PAPPA2: variants seen among roughly 807,000 people sequenced by gnomAD.
PAPPA2 encodes the protein pappalysin 2.
In PAPPA2, 86 loss-of-function variants were observed where a neutral mutation model predicts 176.4. The ratio of observed to expected loss-of-function variants is 0.49; its 90% CI spans 0.41 to 0.58. The LOEUF (loss-of-function observed/expected upper bound fraction) is 0.58. PAPPA2 is among the 20% of genes least tolerant of loss of function. The pLI is 0.00. For missense variants in PAPPA2, 2,073 were observed against 2,256.9 expected, an observed-to-expected ratio of 0.92 and a Z score of 1.65; for synonymous variants, 809 against 852.2, an observed-to-expected ratio of 0.95 and a Z score of 0.88.
intron 1 of PAPPA2, among the ~76,000 whole-genome samples, chr1:176,518,583 A>C (rs1386546783): frequency 3.3e-5 from 5 of 152,190 alleles, no homozygotes; most frequent in African/African-American, 1.2e-4. Flanking sequence ...TAAAAATAAT[A>C]CTATGCATTT....
At chr1:176,478,256 A>T (rs1652231259) in intron 1 of PAPPA2, among the ~76,000 whole-genome samples, 3 of 152,250 alleles carry the variant, frequency 2.0e-5, no homozygotes, top group Non-Finnish European at 4.4e-5. Context: ...TTCCAATGGA[A>T]TATATTCTGA....
chr1:176,685,843 C>T (rs1462050156), intron 4 of PAPPA2, among the ~76,000 whole-genome samples: 1 of 152,240 alleles, frequency 6.6e-6, no homozygotes, highest in East Asian at 1.9e-4. Flanking sequence ...CTTTATGCCT[C>T]ACTCCAGCTT....
intron 21 of PAPPA2, among the ~76,000 whole-genome samples, chr1:176,826,067 T>G (rs1054128147): frequency 6.6e-6 from 1 of 152,206 alleles, no homozygotes; most frequent in Non-Finnish European, 1.5e-5. Context: ...GGCTGAGAAT[T>G]TAATTAACTT....
chr1:176,565,675 G>A (rs1345951813), intron 2 of PAPPA2, among the ~76,000 whole-genome samples: 2 of 152,198 alleles, frequency 1.3e-5, no homozygotes, highest in Middle Eastern at 3.2e-3. Flanking sequence ...CAGCCTGGGG[G>A]ACAGAATGAG....
At chr1:176,751,030 A>G (rs1663149239) in intron 14 of PAPPA2, among the ~76,000 whole-genome samples, 1 of 151,822 alleles carries the variant, frequency 6.6e-6, no homozygotes, top group Non-Finnish European at 1.5e-5. Context: ...AGGTGTAAGG[A>G]AGGGATCCAG....
chr1:176,565,045 G>A (rs919455163), intron 2 of PAPPA2, among the ~76,000 whole-genome samples: 2 of 152,090 alleles, frequency 1.3e-5, no homozygotes, highest in Admixed American at 6.5e-5. Context: ...ATCATACAAT[G>A]TATGATCTTT....
At chr1:176,681,587 C>T (rs1659588901) in intron 4 of PAPPA2, among the ~76,000 whole-genome samples, 1 of 152,116 alleles carries the variant, frequency 6.6e-6, no homozygotes, top group Non-Finnish European at 1.5e-5. Flanking sequence ...GAATGTCCGG[C>T]ATACAGCAAG....
rs779702965 is a variant in PAPPA2, at chr1:176,671,056, G to A, written c.2078G>A (p.Arg693Gln). The A allele has an allele frequency of 2.3e-5, 37 of 1,613,976 alleles. No homozygotes were observed. The South Asian group carries it at 2.5e-4, about 11-fold the overall frequency. Residue 693 changes from arginine to glutamine, a missense_variant, in exon 4 of 23, where the codon CGG becomes CAG. By Grantham distance (43) the Arg-to-Gln change is conservative (BLOSUM62 1). Around this residue, in one of 4 missense-constraint regions of PAPPA2, gnomAD observed 1,196 missense variants for 1,330.4 expected, o/e 0.90. Coordinates refer to ENST00000367662, the MANE Select transcript of PAPPA2 (RefSeq NM_020318.3). Reference sequence around the variant, plus strand: ...AACATCTACTTTGCCAGCTCAGTGCGGGAAGACCTTGCAGGTGCTGCCACC... The same window carrying A: ...AACATCTACTTTGCCAGCTCAGTGCAGGAAGACCTTGCAGGTGCTGCCACC... ...FLNIYFASSV[R>Q]EDLAGAATWP...
At chr1:176,502,140 T>C (rs1558404826) in intron 1 of PAPPA2, among the ~76,000 whole-genome samples, 1 of 152,224 alleles carries the variant, frequency 6.6e-6, no homozygotes, top group Admixed American at 6.5e-5. Flanking sequence ...TGTCATTTAC[T>C]ATCCTCCAGA....
At chr1:176,477,765 A>G (rs1652204015) in intron 1 of PAPPA2, among the ~76,000 whole-genome samples, 1 of 119,456 alleles carries the variant, frequency 8.4e-6, no homozygotes, top group African/African-American at 4.2e-5. Flanking sequence ...TAAATAAAAA[A>G]CATTAAAAAA....
chr1:176,655,277 G>A (rs1231315542), intron 3 of PAPPA2, among the ~76,000 whole-genome samples: 5 of 151,834 alleles, frequency 3.3e-5, no homozygotes, highest in Admixed American at 2.6e-4. Context: ...TTTTTATCAT[G>A]AAGTGATGTT....
intron 4 of PAPPA2, among the ~76,000 whole-genome samples, chr1:176,675,811 A>G (rs145684029): frequency 3.2e-4 from 48 of 152,210 alleles, no homozygotes; most frequent in Non-Finnish European, 3.5e-4. Context: ...TGAATAGGAA[A>G]TATTTACAAA....
chr1:176,611,578 C>CA (rs974386275), intron 3 of PAPPA2, among the ~76,000 whole-genome samples: 7 of 152,142 alleles, frequency 4.6e-5, no homozygotes, highest in South Asian at 2.1e-4. Context: ...CCTTGGTCAG[C>CA]AAATTGATAA....
At chr1:176,482,492 A>G (rs963967334) in intron 1 of PAPPA2, among the ~76,000 whole-genome samples, 2 of 152,236 alleles carry the variant, frequency 1.3e-5, no homozygotes, top group South Asian at 2.1e-4. Flanking sequence ...TTGTAAGTGA[A>G]GATCATTAAA....
intron 21 of PAPPA2, among the ~76,000 whole-genome samples, chr1:176,813,946 CT>C (rs1666277249): frequency 6.6e-6 from 1 of 152,026 alleles, no homozygotes; most frequent in Admixed American, 6.6e-5. Flanking sequence ...AATCCATCTT[CT>C]GTTAATTTTT....
intron 1 of PAPPA2, among the ~76,000 whole-genome samples, chr1:176,483,837 T>C (rs1652521990): frequency 1.3e-5 from 2 of 152,040 alleles, no homozygotes; most frequent in South Asian, 4.1e-4. Context: ...AGAGATGTCA[T>C]AGAGGGAATG....
chr1:176,519,577 G>A (rs1649102396), intron 1 of PAPPA2, among the ~76,000 whole-genome samples: 1 of 152,140 alleles, frequency 6.6e-6, no homozygotes, highest in South Asian at 2.1e-4. Context: ...ATGCCATGAA[G>A]GCAGGAAAAA....
intron 17 of PAPPA2, among the ~76,000 whole-genome samples, chr1:176,774,584 G>A (rs183754574): frequency 6.6e-6 from 1 of 152,172 alleles, no homozygotes; most frequent in Admixed American, 6.5e-5. Context: ...CATCCCTGCT[G>A]CCAAGTCTCT....
At chr1:176,752,080 A>G (rs1038516616) in intron 14 of PAPPA2, among the ~76,000 whole-genome samples, 2 of 121,728 alleles carry the variant, frequency 1.6e-5, no homozygotes, top group African/African-American at 6.5e-5. Context: ...TTCTCAGTAA[A>G]CTATCGCAAG....
Sources: allele counts gnomAD v4.1 joint callset (sites outside exome capture counted in the v4.1 genomes callset), GRCh38; gene constraint gnomAD v4.1.1; regional missense constraint gnomAD v4.1.1; transcripts MANE v1.5; gene names NCBI Gene and HGNC (gene_info 2026-07-23, HGNC 2026-07-21).